Variants in ANGPTL1 observed in about 807,000 individuals in gnomAD.
ANGPTL1 encodes angiopoietin like 1.
ANGPTL1 carries 36 observed loss-of-function variants against 46.7 expected under a neutral mutation model. That is an observed-to-expected ratio of 0.77 (90% CI 0.59 to 1.02). The LOEUF (loss-of-function observed/expected upper bound fraction) is 1.02. ANGPTL1 is among the 50% of genes least tolerant of loss of function. ANGPTL1 has a pLI of 0.00. For synonymous variants in ANGPTL1, 221 were observed against 204.3 expected (o/e 1.08, Z -0.69); for missense variants, 571 against 594.7 (o/e 0.96, Z 0.41).
chr1:178,862,417 G>A (rs955556373), intron 3 of ANGPTL1, among the ~76,000 whole-genome samples: 24 of 151,872 alleles, frequency 1.6e-4, no homozygotes, highest in African/African-American at 5.8e-4. Context: ...TTATAATATA[G>A]TTGGAAAGCC....
At chr1:178,857,440 G>T (rs1043273271) in intron 3 of ANGPTL1, among the ~76,000 whole-genome samples, 3 of 152,090 alleles carry the variant, frequency 2.0e-5, no homozygotes, top group Admixed American at 2.0e-4. Context: ...AGTCAAGTGG[G>T]GGGTGGGAGA....
intron 2 of ANGPTL1, among the ~76,000 whole-genome samples, chr1:178,866,723 A>G (rs374248667): frequency 2.0e-5 from 3 of 152,306 alleles, no homozygotes; most frequent in South Asian, 4.1e-4. Context: ...CTAAGGCCAC[A>G]CAAGGATTAG....
rs1273855640 is a variant in ANGPTL1 at position 178,864,945 on chromosome 1, G to A, written c.823+9C>T. 2.1e-6 allele frequency: 3 copies of A among 1,436,134 alleles called. No individual in the cohort carries two copies. The African/African-American group carries it at 4.3e-5, about 20-fold the overall frequency. The allele number at this position is 1,436,134 out of a possible 1,614,324, so 89.0% of individuals were successfully genotyped here. A position where few individuals can be genotyped will look rare whatever the true frequency, so the allele number is the denominator to read the frequency against. ...ATACTCCCACTTTTTACAGTAAGAG[G>A]TAACTCACCTTCATTGATGAAAGTT... is the stretch of plus-strand genomic sequence containing the variant. On this transcript the variant is annotated intron_variant, in intron 3 of 5. Coordinates refer to ENST00000234816, the MANE Select transcript of ANGPTL1 (RefSeq NM_004673.4).
intron 3 of ANGPTL1, among the ~76,000 whole-genome samples, chr1:178,861,787 TTC>T (rs1558156700): frequency 1.3e-5 from 2 of 152,222 alleles, no homozygotes; most frequent in Admixed American, 1.3e-4. Context: ...GCAATTTTTT[TTC>T]TGTTTTTTAT....
In ANGPTL1 at chr1:178,863,893, G is replaced by A. The variant is rs530327435; in HGVS notation, c.823+1061C>T. On this transcript the variant is annotated intron_variant, in intron 3 of 5. Transcript: ENST00000234816. ...CCACTTCATGATATATTTCTTTCTA[G>A]TCTTTAGTCTGTGTTTTTATTGTTA... 1.5e-3 allele frequency among the ~76,000 whole-genome samples: 224 copies of A among 152,270 alleles called. 1 individual carries two copies. The highest frequency in any genetic ancestry group is 4.9e-3 in the African/African-American group (203 of 41,556).
In ANGPTL1 at chr1:178,852,927, TTC is replaced by T. The variant is rs747508264; in HGVS notation, c.1042_1043del (p.Glu348IlefsTer12). On this transcript the variant is annotated frameshift_variant, in exon 5 of 6. Coordinates refer to ENST00000234816, the MANE Select transcript of ANGPTL1 (RefSeq NM_004673.4). LOFTEE classifies it high-confidence loss of function. The stretch of plus-strand genomic sequence containing the variant: ...AGATATTTTCCAGTCCAAGCCAGTA[TTC>T]TCCGTCAATGTTTCCAAACCCTTTC... The part of the protein sequence containing the change: ...YKKGFGNIDG[E>X]YWLGLENIYM... 1 of 1,612,518 alleles carries T rather than the reference TTC, an allele frequency of 6.2e-7. No homozygotes were observed. Among genetic ancestry groups the T allele is most frequent in the South Asian group, 1.1e-5 (1 of 90,950 alleles).
intron 3 of ANGPTL1, among the ~76,000 whole-genome samples, chr1:178,855,195 G>A (rs1387883239): frequency 1.3e-5 from 2 of 151,920 alleles, no homozygotes; most frequent in African/African-American, 4.8e-5. Context: ...GTCTTACTGG[G>A]ATAGAATTAA....
At chr1:178,854,400 T>C (rs528789072) in intron 3 of ANGPTL1, among the ~76,000 whole-genome samples, 1 of 152,162 alleles carries the variant, frequency 6.6e-6, no homozygotes, top group East Asian at 1.9e-4. Flanking sequence ...CAAAATATTA[T>C]GTTTCCCTTT....
rs370767726 is a variant in ANGPTL1 at position 178,852,824 on chromosome 1, A to G, written c.1147T>C (p.Tyr383His). 5 of 1,613,860 alleles carry G rather than the reference A, an allele frequency of 3.1e-6. No homozygotes were observed. The highest frequency in any genetic ancestry group is 4.2e-6 in the Non-Finnish European group (5 of 1,179,894). The change falls in exon 5 of 6, where the codon TAC becomes CAC. Residue 383 changes from tyrosine to histidine, a missense_variant. By Grantham distance (83) the Tyr-to-His change is moderately conservative. Transcript: ENST00000234816. ...TCAGGTTCCAGACGAAAGCTGCTGT[A>G]TTCTGCATAGACTTTTTTATCACTC... ...DWSDKKVYAE[Y>H]SSFRLEPESE...
chr1:178,855,526 G>A (rs907170319), intron 3 of ANGPTL1, among the ~76,000 whole-genome samples: 2 of 151,916 alleles, frequency 1.3e-5, no homozygotes, highest in African/African-American at 2.4e-5. Context: ...GTACAGACTA[G>A]TAAAAATTTG....
intron 1 of ANGPTL1, among the ~76,000 whole-genome samples, chr1:178,869,651 G>A (rs964960447): frequency 6.6e-6 from 1 of 152,032 alleles, no homozygotes; most frequent in Non-Finnish European, 1.5e-5. Flanking sequence ...AATCCTGCCA[G>A]CATTTACAGT....
At chr1:178,852,133 T>G (rs1378246654) in intron 5 of ANGPTL1, among the ~76,000 whole-genome samples, 1 of 152,168 alleles carries the variant, frequency 6.6e-6, no homozygotes. Flanking sequence ...CATCCTTCAT[T>G]TCTTGCGACT....
chr1:178,869,829 G>A (rs1658639185), intron 1 of ANGPTL1, among the ~76,000 whole-genome samples: 1 of 152,008 alleles, frequency 6.6e-6, no homozygotes, highest in African/African-American at 2.4e-5. Flanking sequence ...CATACTATTG[G>A]TAACGAGTAA....
At chr1:178,864,391 C>G (rs1418117325) in intron 3 of ANGPTL1, among the ~76,000 whole-genome samples, 1 of 151,978 alleles carries the variant, frequency 6.6e-6, no homozygotes, top group Non-Finnish European at 1.5e-5. Context: ...GAAGGCATGG[C>G]TTTTGTACAG....
At chr1:178,858,877 A>G (rs1460644518) in intron 3 of ANGPTL1, among the ~76,000 whole-genome samples, 6 of 152,228 alleles carry the variant, frequency 3.9e-5, no homozygotes, top group Non-Finnish European at 7.4e-5. Context: ...AGAGAATTAC[A>G]GATTACAAAG....
chr1:178,868,202 T>C (rs1242410966), intron 2 of ANGPTL1, among the ~76,000 whole-genome samples: 2 of 151,930 alleles, frequency 1.3e-5, no homozygotes, highest in Non-Finnish European at 2.9e-5. Flanking sequence ...AAATAGACTT[T>C]TACTATGTAG....
chr1:178,856,202 G>GAGATATATATAT (rs1428022812), intron 3 of ANGPTL1, among the ~76,000 whole-genome samples: 8 of 83,904 alleles, frequency 9.5e-5, no homozygotes, highest in African/African-American at 4.5e-4. Context: ...GAGAGAGAGA[G>GAGATATATATAT]ATATATATAT....
At position 178,851,053 on chromosome 1, in the gene ANGPTL1, A is replaced by G. The variant is rs1306387213; in HGVS notation, c.*76T>C. On this transcript the variant is annotated 3_prime_UTR_variant, in exon 6 of 6. Coordinates refer to ENST00000234816, the MANE Select transcript of ANGPTL1 (RefSeq NM_004673.4). ...GTAGAAATAAATTGTGCCAAGTAATATACATGTAACATTTACATTTTTAAG... is the reference window on the plus strand; with the variant it reads ...GTAGAAATAAATTGTGCCAAGTAATGTACATGTAACATTTACATTTTTAAG... The G allele has an allele frequency of 1.5e-6, 2 of 1,374,880 alleles. No individual in the cohort carries two copies. Among genetic ancestry groups the G allele is most frequent in the Non-Finnish European group, 2.0e-6 (2 of 1,017,014 alleles). The allele number at this position is 1,374,880 out of a possible 1,614,324, so 85.2% of individuals were successfully genotyped here. A position where few individuals can be genotyped will look rare whatever the true frequency, so the allele number is the denominator to read the frequency against.
intron 3 of ANGPTL1, among the ~76,000 whole-genome samples, chr1:178,862,370 G>C (rs962931655): frequency 6.6e-6 from 1 of 152,032 alleles, no homozygotes; most frequent in Non-Finnish European, 1.5e-5. Context: ...TTTAGCAACT[G>C]CAGGTAAGAC....
Sources: gnomAD v4.1 joint callset for allele counts (sites outside exome capture counted in the v4.1 genomes callset) on GRCh38, gnomAD v4.1.1 for gene constraint, MANE v1.5 for transcripts, NCBI Gene and HGNC (gene_info 2026-07-23, HGNC 2026-07-21) for gene names.